TASOR2: variants seen among roughly 807,000 people sequenced by gnomAD.
TASOR2 encodes the protein transcription activation suppressor family member 2.
TASOR2 carries 84 observed loss-of-function variants against 199.5 expected under a neutral mutation model. The observed-to-expected ratio is 0.42, with a 90% CI of 0.35 to 0.50. The LOEUF is 0.50. Among genes scored for constraint, TASOR2 ranks in the 20% least tolerant of loss-of-function variants. The pLI, the probability that TASOR2 is intolerant of heterozygous loss-of-function variation, is 0.02. For synonymous variants in TASOR2, 1,103 were observed against 1,046.6 expected (o/e 1.05, Z -1.04); for missense variants, 2,796 against 2,835.9 (o/e 0.99, Z 0.32).
At chr10:5,716,401 T>A (rs996727281) in intron 2 of TASOR2, among the ~76,000 whole-genome samples, 29 of 152,130 alleles carry the variant, frequency 1.9e-4, no homozygotes, top group African/African-American at 7.0e-4. Context: ...AACCACTGGG[T>A]CATATGATAA....
intron 2 of TASOR2, among the ~76,000 whole-genome samples, chr10:5,717,370 A>G (rs1177708773): frequency 6.6e-6 from 1 of 151,600 alleles, no homozygotes; most frequent in Non-Finnish European, 1.5e-5. Context: ...TACCTGAGTG[A>G]CTTATTCTTA....
In TASOR2 at chr10:5,738,209, T is replaced by C. The variant is rs1249773039; in HGVS notation, c.1448-1409T>C. Among the ~76,000 whole-genome samples the C allele has an allele frequency of 6.6e-6, 1 of 152,216 alleles. No homozygotes were observed. The highest frequency in any genetic ancestry group is 2.4e-5 in the African/African-American group (1 of 41,456). On this transcript the variant is annotated intron_variant, in intron 12 of 20. Coordinates refer to ENST00000328090, the Ensembl canonical transcript of TASOR2. This position sits in a 1 kb window ranked among gnomAD's most constrained non-coding sequence, Gnocchi z 4.7. ...TTTTTTAATGTAGTTCCTTTGGCAT[T>C]GTCTTATGTATGTCTTAAATAGAAA...
intron 8 of TASOR2, among the ~76,000 whole-genome samples, chr10:5,725,390 C>CAAA (rs59186946): frequency 8.9e-5 from 7 of 78,968 alleles, no homozygotes; most frequent in African/African-American, 4.3e-4. Flanking sequence ...GACTCCATCT[C>CAAA]AAAAAAAAAA....
intron 1 of TASOR2, among the ~76,000 whole-genome samples, chr10:5,696,300 C>T (rs1837147940): frequency 6.6e-6 from 1 of 152,206 alleles, no homozygotes; most frequent in South Asian, 2.1e-4. Context: ...ATCAGATCAC[C>T]TGGAGAGTAC....
rs766923416 is a variant in TASOR2 at position 5,740,057 on chromosome 10, A to C, written c.1887A>C (p.Lys629Asn). ...TTCCTTGTAGTCAGGCCCCTGCTAA[A>C]GCCCAGTCAGCACTTACTGAGGAAA... Residue 629 changes from lysine (K) to asparagine (N), a missense_variant, in exon 13 of 21, where the codon AAA becomes AAC. This residue lies in a region of TASOR2 where 847 missense variants were observed against 887.4 expected (regional missense o/e 0.95). Coordinates refer to ENST00000328090, the Ensembl canonical transcript of TASOR2. The surrounding 1 kb of genome is among the most constrained non-coding windows in gnomAD (Gnocchi z 5.3). 11 of 1,613,976 alleles carry C rather than the reference A, an allele frequency of 6.8e-6. No individual in the cohort carries two copies. In the East Asian group the frequency reaches 2.4e-4, roughly 36 times the overall value.
chr10:5,758,330 C>T (rs894994234), intron 17 of TASOR2, among the ~76,000 whole-genome samples: 1 of 152,114 alleles, frequency 6.6e-6, no homozygotes, highest in Non-Finnish European at 1.5e-5. Flanking sequence ...CCCTGGAGAT[C>T]AGGAGTTCAA....
At chr10:5,727,580 G>C (rs1279363164) in intron 10 of TASOR2, among the ~76,000 whole-genome samples, 1 of 152,058 alleles carries the variant, frequency 6.6e-6, no homozygotes, top group East Asian at 1.9e-4. Flanking sequence ...TACTCATACA[G>C]TGCATAAACA....
chr10:5,688,025 T>C (rs1375111200), intron 1 of TASOR2, among the ~76,000 whole-genome samples: 1 of 152,238 alleles, frequency 6.6e-6, no homozygotes, highest in African/African-American at 2.4e-5. Flanking sequence ...GCAAATACGC[T>C]GAAGGTCTCC....
chr10:5,728,220 C>CAAA (rs71388473), intron 10 of TASOR2, among the ~76,000 whole-genome samples: 4 of 134,406 alleles, frequency 3.0e-5, no homozygotes, highest in Non-Finnish European at 6.4e-5. Flanking sequence ...GACCCTGTTT[C>CAAA]AAAAAAAAAA....
intron 19 of TASOR2, chr10:5,761,757 G>A (rs61832759): frequency 1.3e-5 from 3 of 229,726 alleles, no homozygotes; most frequent in Non-Finnish European, 2.5e-5. Flanking sequence ...ACTGGGGCTG[G>A]GTGCAGTGGC....
chr10:5,748,675 C>T lies in TASOR2; in HGVS notation c.5254C>T (p.Leu1752Phe). The stretch of plus-strand genomic sequence containing the variant: ...GCTATTGAATGTCGGGGTTTCCTCC[C>T]TTTGTGCTGGTCCCTACCAAAATAC... Residue 1752 changes from leucine (L) to phenylalanine (F), a missense_variant, in exon 15 of 21, where the codon CTT becomes TTT. Physicochemically the swap from Leu to Phe is conservative, Grantham distance 22 (BLOSUM62 0). Transcript: ENST00000328090. This position sits in a 1 kb window ranked among gnomAD's most constrained non-coding sequence, Gnocchi z 5.1. 6.2e-7 allele frequency: 1 copy of T among 1,614,230 alleles called. No homozygotes were observed. The highest frequency in any genetic ancestry group is 1.3e-5 in the African/African-American group (1 of 75,048).
At position 5,696,509 on chromosome 10, in the gene TASOR2, C is replaced by T. The variant is rs189364038; in HGVS notation, c.-288+11334C>T. Among the ~76,000 whole-genome samples the T allele has an allele frequency of 1.7e-3, 255 of 152,204 alleles. 4 individuals carry two copies. Among genetic ancestry groups the T allele is most frequent in the Non-Finnish European group, 3.1e-4 (21 of 68,012 alleles). ...GTAGCCGGGAATACAGGCGTATGCC[C>T]CCACGTCCAGCTGATATTTTTATTT... On this transcript the variant is annotated intron_variant, in intron 1 of 20. Transcript: ENST00000328090.
Position 5,738,814 on chromosome 10 carries a change from A to G in TASOR2, c.1448-804A>G, listed in dbSNP as rs980255184. On this transcript the variant is annotated intron_variant, in intron 12 of 20. Coordinates refer to ENST00000328090, the Ensembl canonical transcript of TASOR2. The surrounding 1 kb of genome is among the most constrained non-coding windows in gnomAD (Gnocchi z 4.7). Reference sequence around the variant, plus strand: ...TTTATCCTTCATAATAACAGCATTTAGGAAGGAATAATGAATACGTTGAAA... The same window carrying G: ...TTTATCCTTCATAATAACAGCATTTGGGAAGGAATAATGAATACGTTGAAA... Among the ~76,000 whole-genome samples the G allele has an allele frequency of 2.0e-5, 3 of 152,242 alleles. No individual in the cohort carries two copies. The highest frequency in any genetic ancestry group is 7.2e-5 in the African/African-American group (3 of 41,460).
chr10:5,753,241 C>G (rs1215750271), intron 15 of TASOR2, among the ~76,000 whole-genome samples: 1 of 152,178 alleles, frequency 6.6e-6, no homozygotes, highest in Non-Finnish European at 1.5e-5. Flanking sequence ...AAGGTGGCTC[C>G]TATTTTGAGT....
rs368195651 is a variant in TASOR2 at position 5,761,354 on chromosome 10, G to T, written c.7057G>T (p.Glu2353Ter). The T allele has an allele frequency of 6.2e-7, 1 of 1,613,988 alleles. No homozygotes were observed. ...GTCATTTCAGAGTGCAAATATCATT[G>T]AATTGCTTCATTATCACCAGTGTGA... Residue 2353 changes from glutamate to a stop codon, truncating the protein, a stop_gained, in exon 19 of 21, where the codon GAA becomes TAA. Transcript: ENST00000328090. LOFTEE classifies it high-confidence loss of function.
At chr10:5,714,112 G>A in intron 2 of TASOR2, 23 bp from the exon 3 acceptor site, 1 of 1,213,418 alleles carries the variant, frequency 8.2e-7, no homozygotes, top group South Asian at 4.2e-5. Flanking sequence ...AAAGACTGAA[G>A]CAAAGTAATC....
Position 5,740,588 on chromosome 10 carries a change from G to A in TASOR2, c.2327+91G>A. ...GGGGAAACTTATGCCAAACTCTGGA[G>A]AAGGAGAAAGAAGTGTTGTGTTTAA... is the stretch of plus-strand genomic sequence containing the variant. On this transcript the variant is annotated intron_variant, in intron 13 of 20. Coordinates refer to ENST00000328090, the Ensembl canonical transcript of TASOR2. The surrounding 1 kb of genome is among the most constrained non-coding windows in gnomAD (Gnocchi z 5.3). 1 of 1,292,844 alleles carries A rather than the reference G, an allele frequency of 7.7e-7. No individual in the cohort carries two copies. Among genetic ancestry groups the A allele is most frequent in the Non-Finnish European group, 1.1e-6 (1 of 939,674 alleles). The allele number at this position is 1,292,844 out of a possible 1,614,324, so 80.1% of individuals were successfully genotyped here.
In TASOR2 at chr10:5,754,990, GA is replaced by G. The variant is rs1838691539; in HGVS notation, c.6607-1622del. Among the ~76,000 whole-genome samples the G allele has an allele frequency of 2.1e-5, 3 of 144,624 alleles. No homozygotes were observed. The South Asian group carries it at 6.6e-4, about 32-fold the overall frequency. 94.9% of individuals were successfully genotyped at this position (144,624 alleles called of 152,430 possible). A position where few individuals can be genotyped will look rare whatever the true frequency, so the allele number is the denominator to read the frequency against. ...GAACCCGGGAGGCAGAGCTTGCAGT[GA>G]GCCGAGATCGCGCCACTGCACTCCA... is the stretch of plus-strand genomic sequence containing the variant. On this transcript the variant is annotated intron_variant, in intron 15 of 20. Coordinates refer to ENST00000328090, the Ensembl canonical transcript of TASOR2. This position sits in a 1 kb window ranked among gnomAD's most constrained non-coding sequence, Gnocchi z 4.3.
chr10:5,755,677 T>G (rs1306861644), intron 15 of TASOR2, among the ~76,000 whole-genome samples: 2 of 152,044 alleles, frequency 1.3e-5, no homozygotes, highest in African/African-American at 4.8e-5. Context: ...AAACCCAGAA[T>G]CCTTCAGCCA....
Sources: allele counts gnomAD v4.1 joint callset (sites outside exome capture counted in the v4.1 genomes callset), GRCh38; gene constraint gnomAD v4.1.1; regional missense constraint gnomAD v4.1.1; non-coding constraint Gnocchi (gnomAD v3.1); transcripts MANE v1.5; gene names NCBI Gene and HGNC (gene_info 2026-07-23, HGNC 2026-07-21).